CNTN5: variants seen among roughly 807,000 people sequenced by gnomAD.
The protein encoded by CNTN5 is contactin 5, also known as contactin-5.
In CNTN5, 77 loss-of-function variants were observed where a neutral mutation model predicts 129.1. That is an observed-to-expected ratio of 0.60 (90% CI 0.50 to 0.72). The LOEUF (loss-of-function observed/expected upper bound fraction) is 0.72. Among genes scored for constraint, CNTN5 ranks in the 30% least tolerant of loss-of-function variants. The pLI, the probability that CNTN5 is intolerant of heterozygous loss-of-function variation, is 0.00. For missense variants in CNTN5, 1,478 were observed against 1,328.8 expected (o/e 1.11, Z -1.75); for synonymous variants, 509 against 465.6 (o/e 1.09, Z -1.20).
chr11:99,700,813 A>C (rs1954485278), intron 3 of CNTN5, among the ~76,000 whole-genome samples: 1 of 151,272 alleles, frequency 6.6e-6, no homozygotes, highest in Non-Finnish European at 1.5e-5. Flanking sequence ...AGACTTTGTC[A>C]AAAGGCAGAG....
At chr11:99,959,156 C>A (rs940713935) in intron 8 of CNTN5, among the ~76,000 whole-genome samples, 1 of 152,160 alleles carries the variant, frequency 6.6e-6, no homozygotes, top group African/African-American at 2.4e-5. Context: ...TACTCTTACC[C>A]TGTGACTGCC....
intron 7 of CNTN5, among the ~76,000 whole-genome samples, chr11:99,930,796 AACAC>A (rs59103010): frequency 2.1e-4 from 31 of 149,560 alleles, no homozygotes; most frequent in African/African-American, 6.9e-4. Context: ...CATACACACA[AACAC>A]ACACACACAC....
intron 21 of CNTN5, among the ~76,000 whole-genome samples, chr11:100,333,499 A>G (rs1951956274): frequency 6.6e-6 from 1 of 152,060 alleles, no homozygotes; most frequent in South Asian, 2.1e-4. Context: ...CAACAAGAAC[A>G]AATCTGGAGG....
At chr11:99,063,139 G>A (rs552796755) in intron 1 of CNTN5, among the ~76,000 whole-genome samples, 1 of 152,252 alleles carries the variant, frequency 6.6e-6, no homozygotes, top group East Asian at 1.9e-4. Context: ...AGAAGTTGAA[G>A]CCAGATTTGC....
intron 1 of CNTN5, among the ~76,000 whole-genome samples, chr11:99,066,109 TC>T (rs1214410566): frequency 6.6e-6 from 1 of 152,148 alleles, no homozygotes; most frequent in Non-Finnish European, 1.5e-5. Context: ...CTAGTATTTA[TC>T]CTTTTTGTTT....
At chr11:99,649,676 C>A (rs907641563) in intron 3 of CNTN5, among the ~76,000 whole-genome samples, 1 of 151,690 alleles carries the variant, frequency 6.6e-6, no homozygotes, top group African/African-American at 2.4e-5. Context: ...GCAAAATTAT[C>A]TGGAGAGAAA....
At chr11:100,325,950 T>C (rs189453104) in intron 21 of CNTN5, among the ~76,000 whole-genome samples, 4 of 152,312 alleles carry the variant, frequency 2.6e-5, no homozygotes. Context: ...GAAAAGATTT[T>C]CTTGTAAATC....
chr11:99,515,959 AAACAAAAT>A (rs11272107), intron 2 of CNTN5, among the ~76,000 whole-genome samples: 2,219 of 150,768 alleles, frequency 0.015, 53 homozygotes, highest in African/African-American at 0.051. Flanking sequence ...GAAAAAAAAA[AAACAAAAT>A]CATATCTATA....
intron 18 of CNTN5, among the ~76,000 whole-genome samples, chr11:100,273,318 A>G (rs1343250128): frequency 1.3e-5 from 2 of 151,954 alleles, no homozygotes; most frequent in Non-Finnish European, 1.5e-5. Context: ...CAACTCCCAC[A>G]TGAGTTTGCT....
At chr11:99,643,992 T>C (rs899033117) in intron 3 of CNTN5, among the ~76,000 whole-genome samples, 3 of 151,082 alleles carry the variant, frequency 2.0e-5, no homozygotes, top group African/African-American at 7.3e-5. Context: ...ATATTCTATA[T>C]GCACACATGA....
chr11:99,734,045 T>C (rs559550742), intron 3 of CNTN5, among the ~76,000 whole-genome samples: 1 of 152,186 alleles, frequency 6.6e-6, no homozygotes, highest in Non-Finnish European at 1.5e-5. Context: ...TTGTGGTGTT[T>C]GGAGTCTTCC....
chr11:99,741,910 T>G (rs1452948350), intron 3 of CNTN5, among the ~76,000 whole-genome samples: 1 of 152,166 alleles, frequency 6.6e-6, no homozygotes, highest in Non-Finnish European at 1.5e-5. Context: ...TTGTAAGTAC[T>G]AATTTCCCCC....
At chr11:99,837,889 T>G (rs1947356763) in intron 4 of CNTN5, among the ~76,000 whole-genome samples, 1 of 152,068 alleles carries the variant, frequency 6.6e-6, no homozygotes, top group African/African-American at 2.4e-5. Flanking sequence ...GTAAAAAAAC[T>G]TCATTTTTGT....
intron 2 of CNTN5, among the ~76,000 whole-genome samples, chr11:99,327,524 C>G (rs1865835571): frequency 6.6e-6 from 1 of 152,162 alleles, no homozygotes; most frequent in Non-Finnish European, 1.5e-5. Context: ...GCAAAGTGCA[C>G]TCTTATTATG....
At chr11:99,116,629 AAG>A (rs1242837441) in intron 1 of CNTN5, among the ~76,000 whole-genome samples, 3 of 152,192 alleles carry the variant, frequency 2.0e-5, no homozygotes, top group Non-Finnish European at 2.9e-5. Flanking sequence ...AAAATATAAA[AAG>A]ATATTGAATG....
chr11:99,373,054 C>T (rs1050222659), intron 2 of CNTN5, among the ~76,000 whole-genome samples: 6 of 141,016 alleles, frequency 4.3e-5, no homozygotes, highest in African/African-American at 1.5e-4. Context: ...ACTAAAACTA[C>T]AAAAATTAGC....
intron 3 of CNTN5, among the ~76,000 whole-genome samples, chr11:99,638,107 A>G (rs1258783675): frequency 6.6e-6 from 1 of 152,176 alleles, no homozygotes; most frequent in African/African-American, 2.4e-5. Context: ...TTGGACTTAC[A>G]GTTCCACGTA....
intron 3 of CNTN5, among the ~76,000 whole-genome samples, chr11:99,710,566 C>CGT (rs1954936867): frequency 3.8e-5 from 3 of 78,126 alleles, no homozygotes; most frequent in African/African-American, 1.4e-4. Context: ...TGTGTGTGTG[C>CGT]ATGTGTGTGT....
intron 1 of CNTN5, among the ~76,000 whole-genome samples, chr11:99,198,702 G>A (rs1484086316): frequency 6.6e-6 from 1 of 152,076 alleles, no homozygotes; most frequent in Non-Finnish European, 1.5e-5. Context: ...TAAAAAATAG[G>A]TTGGGTACTG....
Sources: allele counts gnomAD v4.1 joint callset (sites outside exome capture counted in the v4.1 genomes callset), GRCh38; gene constraint gnomAD v4.1.1; transcripts MANE v1.5; gene names NCBI Gene and HGNC (gene_info 2026-07-23, HGNC 2026-07-21).